PTPN9: variants seen among roughly 807,000 people sequenced by gnomAD.
PTPN9 encodes the protein protein tyrosine phosphatase non-receptor type 9, also known as tyrosine-protein phosphatase non-receptor type 9.
Under a neutral mutation model 69.8 loss-of-function variants are expected in PTPN9, and 26 were observed. The observed-to-expected ratio is 0.37, with a 90% CI of 0.27 to 0.52. The LOEUF (loss-of-function observed/expected upper bound fraction) is 0.52, where lower values mean the gene tolerates loss of function less well. Ranked by LOEUF, PTPN9 falls within the 20% of genes least tolerant of loss-of-function variation. The probability of loss-of-function intolerance (pLI) is 0.91; values close to 1 mark genes in which losing one functional copy is unlikely to be tolerated. For missense variants in PTPN9, 549 were observed against 740.3 expected (o/e 0.74, Z 3.00); for synonymous variants, 274 against 272.5 (o/e 1.01, Z -0.05).
intron 1 of PTPN9, among the ~76,000 whole-genome samples, chr15:75,548,529 C>T (rs935296448): frequency 7.3e-5 from 11 of 150,754 alleles, no homozygotes; most frequent in South Asian, 2.1e-4. Flanking sequence ...GCTGGGATTA[C>T]AGGCATGAAC....
chr15:75,560,155 AAT>A, intron 1 of PTPN9, among the ~76,000 whole-genome samples: 1 of 151,554 alleles, frequency 6.6e-6, no homozygotes, highest in South Asian at 2.1e-4. Flanking sequence ...AAAAAAAAAA[AAT>A]TTATCTGATA....
At chr15:75,548,716 C>T (rs1400199987) in intron 1 of PTPN9, among the ~76,000 whole-genome samples, 8 of 144,722 alleles carry the variant, frequency 5.5e-5, no homozygotes, top group South Asian at 2.2e-4. Context: ...TGCAGGGGCG[C>T]GATCTTGGCT....
At chr15:75,548,810 C>T (rs1316045586) in intron 1 of PTPN9, among the ~76,000 whole-genome samples, 2 of 151,638 alleles carry the variant, frequency 1.3e-5, no homozygotes, top group Admixed American at 6.6e-5. Flanking sequence ...CCCGCCACCA[C>T]GCCCGGCTAA....
chr15:75,499,502 C>T (rs1385706205), intron 7 of PTPN9, among the ~76,000 whole-genome samples: 4 of 144,034 alleles, frequency 2.8e-5, no homozygotes, highest in African/African-American at 1.1e-4. Context: ...GCCTCCTGGG[C>T]TCAAGTGATT....
At chr15:75,485,194 C>T (rs1021162230) in intron 8 of PTPN9, among the ~76,000 whole-genome samples, 3 of 152,058 alleles carry the variant, frequency 2.0e-5, no homozygotes, top group Admixed American at 1.3e-4. Flanking sequence ...AGCCAAAGCC[C>T]ATCCTCTACT....
intron 1 of PTPN9, among the ~76,000 whole-genome samples, chr15:75,531,821 A>G (rs2074965476): frequency 6.6e-6 from 1 of 151,386 alleles, no homozygotes; most frequent in Non-Finnish European, 1.5e-5. Flanking sequence ...GGCCTCCCAA[A>G]GTGCTGGGAT....
chr15:75,476,900 T>C (rs1471964668), intron 9 of PTPN9, among the ~76,000 whole-genome samples: 1 of 152,162 alleles, frequency 6.6e-6, no homozygotes, highest in East Asian at 1.9e-4. Context: ...ACTGGCAGAA[T>C]TGGAGTACTG....
intron 1 of PTPN9, among the ~76,000 whole-genome samples, chr15:75,531,040 C>G (rs971395835): frequency 6.8e-6 from 1 of 148,078 alleles, no homozygotes; most frequent in Non-Finnish European, 1.5e-5. Flanking sequence ...CTTACAAATA[C>G]AATTCAAATT....
chr15:75,496,132 C>A (rs1162358280), intron 7 of PTPN9, among the ~76,000 whole-genome samples: 1 of 136,856 alleles, frequency 7.3e-6, no homozygotes, highest in African/African-American at 2.7e-5. Flanking sequence ...GAGTGAGAGC[C>A]TGTCTCAAAA....
At chr15:75,531,009 A>C (rs1314477738) in intron 1 of PTPN9, among the ~76,000 whole-genome samples, 1 of 144,712 alleles carries the variant, frequency 6.9e-6, no homozygotes, top group Non-Finnish European at 1.5e-5. Flanking sequence ...CCTACTTCGG[A>C]GTCTTGGCAA....
chr15:75,492,065 G>T (rs979474080), intron 7 of PTPN9, among the ~76,000 whole-genome samples: 2 of 152,056 alleles, frequency 1.3e-5, no homozygotes, highest in Admixed American at 1.3e-4. Flanking sequence ...TAGAGAAAGG[G>T]TTTTGCCACA....
chr15:75,559,924 G>C (rs1419319199), intron 1 of PTPN9, among the ~76,000 whole-genome samples: 1 of 152,088 alleles, frequency 6.6e-6, no homozygotes, highest in East Asian at 1.9e-4. Flanking sequence ...CAGATCATTT[G>C]AGGTCAGGAG....
intron 1 of PTPN9, among the ~76,000 whole-genome samples, chr15:75,541,746 A>G (rs1445201716): frequency 6.7e-6 from 1 of 148,900 alleles, no homozygotes; most frequent in Admixed American, 6.7e-5. Context: ...TTACTCTGTC[A>G]CCTAGGTTGG....
Position 75,479,725 on chromosome 15 carries a change from C to G in PTPN9, c.1129+123G>C, listed in dbSNP as rs866747748. On this transcript the variant is annotated intron_variant, in intron 9 of 12. Coordinates refer to ENST00000618819, the MANE Select transcript of PTPN9 (RefSeq NM_002833.4). ...ACCACCACCCATCTTTATAAAAGGC[C>G]AGGATCTAGTGGCCAAAACCTCCAC... The G allele has an allele frequency of 4.7e-5, 36 of 763,792 alleles. No homozygotes were observed. The Middle Eastern group carries it at 8.1e-3, about 173-fold the overall frequency. 47.3% of individuals were successfully genotyped at this position (763,792 alleles called of 1,614,324 possible).
chr15:75,570,605 C>CA (rs2075144566), intron 1 of PTPN9, among the ~76,000 whole-genome samples: 2 of 151,574 alleles, frequency 1.3e-5, no homozygotes, highest in South Asian at 2.1e-4. Context: ...CCCCCCTCTA[C>CA]AAAAAATATA....
intron 1 of PTPN9, among the ~76,000 whole-genome samples, chr15:75,569,267 C>G (rs76543132): frequency 4.0e-5 from 6 of 151,892 alleles, no homozygotes; most frequent in African/African-American, 1.2e-4. Flanking sequence ...GCCACACTGC[C>G]GTAAAATGGG....
In PTPN9 at chr15:75,505,718, C is replaced by A. The variant is rs1781872584; in HGVS notation, c.925G>T (p.Asp309Tyr). 6.2e-7 allele frequency: 1 copy of A among 1,613,928 alleles called. No individual in the cohort carries two copies. The change falls in exon 7 of 13, where the codon GAC (aspartate) becomes TAC (tyrosine). Residue 309 changes from aspartate (D) to tyrosine (Y), a missense_variant. By Grantham distance (160) the Asp-to-Tyr change is radical (BLOSUM62 -3). Around this residue, in one of 3 missense-constraint regions of PTPN9, gnomAD observed 457 missense variants for 661.9 expected, o/e 0.69. Transcript: ENST00000618819. Reference protein sequence around the residue: ...QKQGIYEEYEDIRRENPVGTF... With the variant: ...QKQGIYEEYEYIRRENPVGTF... ...CCAACAGGGTTCTCACGACGAATGT[C>A]TTCATATTCCTCATAGATTCCTTGC...
intron 1 of PTPN9, among the ~76,000 whole-genome samples, chr15:75,567,853 G>A (rs376541609): frequency 8.6e-5 from 13 of 151,940 alleles, no homozygotes; most frequent in East Asian, 1.9e-4. Flanking sequence ...AAAATTAGCC[G>A]GGCGTGGTGG....
intron 1 of PTPN9, among the ~76,000 whole-genome samples, chr15:75,574,815 G>A (rs985109342): frequency 2.7e-5 from 4 of 150,908 alleles, no homozygotes; most frequent in African/African-American, 9.7e-5. Context: ...GGTGGCGGGC[G>A]CCTGTAATCC....
Sources: gnomAD v4.1 joint callset for allele counts (sites outside exome capture counted in the v4.1 genomes callset) on GRCh38, gnomAD v4.1.1 for gene constraint, gnomAD v4.1.1 regional missense constraint, MANE v1.5 for transcripts, NCBI Gene and HGNC (gene_info 2026-07-23, HGNC 2026-07-21) for gene names.